STK33: variants seen among roughly 807,000 people sequenced by gnomAD.
STK33 encodes the protein serine/threonine kinase 33.
In STK33, 52 loss-of-function variants were observed where a neutral mutation model predicts 58.0. The observed-to-expected ratio is 0.90, with a 90% CI of 0.72 to 1.13. The LOEUF is 1.13. STK33 is among the 50% of genes most tolerant of loss of function. STK33 has a pLI of 0.00. For missense variants in STK33, 630 were observed against 604.2 expected, an observed-to-expected ratio of 1.04 and a Z score of -0.45; for synonymous variants, 215 against 200.1, an observed-to-expected ratio of 1.07 and a Z score of -0.63.
intron 1 of STK33, among the ~76,000 whole-genome samples, chr11:8,500,833 A>G (rs541553939): frequency 6.6e-6 from 1 of 152,330 alleles, no homozygotes; most frequent in East Asian, 1.9e-4. Context: ...TACAACAGAC[A>G]TATAGATCAT....
chr11:8,389,980 T>C (rs1019044228), downstream of STK33, among the ~76,000 whole-genome samples: 2 of 152,204 alleles, frequency 1.3e-5, no homozygotes, highest in Non-Finnish European at 2.9e-5. Flanking sequence ...CCAAATATTC[T>C]ATGAGCAGTG....
At chr11:8,528,199 T>C (rs1565281758) in intron 1 of STK33, among the ~76,000 whole-genome samples, 2 of 151,734 alleles carry the variant, frequency 1.3e-5, no homozygotes, top group African/African-American at 2.4e-5. Context: ...CCTGTACCCA[T>C]GCCTGCAAGT....
At chr11:8,571,187 C>T (rs1007892494) in intron 1 of STK33, among the ~76,000 whole-genome samples, 2 of 152,170 alleles carry the variant, frequency 1.3e-5, no homozygotes, top group South Asian at 4.2e-4. Context: ...AGACAGCTTC[C>T]GAAATCTGCA....
At chr11:8,338,521 G>C in the STK33 span, among the ~76,000 whole-genome samples, 1 of 152,150 alleles carries the variant, frequency 6.6e-6, no homozygotes, top group Non-Finnish European at 1.5e-5. Flanking sequence ...TGGGCCTTCA[G>C]CTGCCTCCCA....
chr11:8,406,142 CAAAAA>C (rs59336494), intron 15 of STK33, among the ~76,000 whole-genome samples: 2 of 94,702 alleles, frequency 2.1e-5, no homozygotes, highest in South Asian at 3.8e-4. Context: ...GACTCCGTCT[CAAAAA>C]AAAAAAAAAA....
chr11:8,458,749 A>G (rs569467436), intron 8 of STK33, among the ~76,000 whole-genome samples: 142 of 152,248 alleles, frequency 9.3e-4, no homozygotes, highest in African/African-American at 3.1e-3. Context: ...TTTCATACAT[A>G]TTTCTATTCA....
chr11:8,523,216 C>T (rs1445805297), intron 1 of STK33, among the ~76,000 whole-genome samples: 2 of 152,086 alleles, frequency 1.3e-5, no homozygotes, highest in Admixed American at 1.3e-4. Context: ...GCCGCCACCC[C>T]GTCTGGGAAG....
intron 15 of STK33, among the ~76,000 whole-genome samples, chr11:8,405,446 T>C (rs1007658660): frequency 6.6e-6 from 1 of 152,240 alleles, no homozygotes; most frequent in Non-Finnish European, 1.5e-5. Flanking sequence ...TATTGCAATG[T>C]AGGAGTTGTT....
At chr11:8,433,543 G>A (rs1181867409) in intron 14 of STK33, among the ~76,000 whole-genome samples, 1 of 151,986 alleles carries the variant, frequency 6.6e-6, no homozygotes, top group Non-Finnish European at 1.5e-5. Context: ...TCAATTATCT[G>A]TTTGATATCA....
At chr11:8,516,520 G>A (rs1310364724) in intron 1 of STK33, among the ~76,000 whole-genome samples, 1 of 152,036 alleles carries the variant, frequency 6.6e-6, no homozygotes, top group Non-Finnish European at 1.5e-5. Context: ...GCAGCCCACG[G>A]AGCAGGATGG....
chr11:8,592,494 G>A (rs1178005238), intron 1 of STK33, among the ~76,000 whole-genome samples: 1 of 152,146 alleles, frequency 6.6e-6, no homozygotes, highest in Non-Finnish European at 1.5e-5. Flanking sequence ...TAAAACTGAC[G>A]GTGGCAATGT....
chr11:8,410,227 T>C (rs1003683645), intron 15 of STK33, among the ~76,000 whole-genome samples: 11 of 152,212 alleles, frequency 7.2e-5, no homozygotes, highest in African/African-American at 2.4e-4. Flanking sequence ...TATCAAAGTA[T>C]TAAATTTCAA....
chr11:8,579,744 T>TCG (rs1958434891), intron 1 of STK33, among the ~76,000 whole-genome samples: 1 of 152,034 alleles, frequency 6.6e-6, no homozygotes, highest in Admixed American at 6.6e-5. Flanking sequence ...CCTAAAAGGC[T>TCG]CTTACTTATA....
intron 9 of STK33, among the ~76,000 whole-genome samples, chr11:8,456,872 A>G (rs1240763468): frequency 1.3e-5 from 2 of 152,202 alleles, no homozygotes; most frequent in Admixed American, 1.3e-4. Context: ...CAATATATCA[A>G]TCTAGTGGGG....
intron 1 of STK33, among the ~76,000 whole-genome samples, chr11:8,569,594 A>G (rs1957666562): frequency 6.6e-6 from 1 of 152,208 alleles, no homozygotes; most frequent in Non-Finnish European, 1.5e-5. Context: ...ATTAGCCATA[A>G]GAGAAAAACT....
intron 1 of STK33, among the ~76,000 whole-genome samples, chr11:8,530,195 T>C (rs1183991581): frequency 6.6e-6 from 1 of 152,052 alleles, no homozygotes; most frequent in African/African-American, 2.4e-5. Flanking sequence ...AACCTAATAA[T>C]AGTCTGAGGC....
At chr11:8,381,154 G>A in the STK33 span, among the ~76,000 whole-genome samples, 1 of 151,986 alleles carries the variant, frequency 6.6e-6, no homozygotes. Flanking sequence ...TACATATTGG[G>A]TACAATGTAC....
chr11:8,394,287 C>G (rs1285818994), intron 15 of STK33, among the ~76,000 whole-genome samples: 2 of 152,172 alleles, frequency 1.3e-5, no homozygotes, highest in Non-Finnish European at 2.9e-5. Flanking sequence ...TAGTACAGTG[C>G]TGGTCTCTAA....
intron 1 of STK33, among the ~76,000 whole-genome samples, chr11:8,495,043 T>C (rs1950946300): frequency 6.6e-6 from 1 of 152,058 alleles, no homozygotes; most frequent in South Asian, 2.1e-4. Flanking sequence ...GGGCAAAGAA[T>C]TCATGACTAA....
Sources: gnomAD v4.1 joint callset for allele counts (sites outside exome capture counted in the v4.1 genomes callset) on GRCh38, gnomAD v4.1.1 for gene constraint, MANE v1.5 for transcripts, NCBI Gene and HGNC (gene_info 2026-07-23, HGNC 2026-07-21) for gene names.